The following THEMIS variants were observed in gnomAD, a reference collection of about 807,000 sequenced individuals.
THEMIS encodes thymocyte selection associated, also known as protein THEMIS.
THEMIS carries 37 observed loss-of-function variants against 52.6 expected under a neutral mutation model. The observed-to-expected ratio is 0.70, with a 90% CI of 0.54 to 0.93. The LOEUF is 0.93. Ranked by LOEUF, THEMIS falls within the 40% of genes least tolerant of loss-of-function variation. THEMIS has a pLI of 0.00. For missense variants in THEMIS, 808 were observed against 763.1 expected (o/e 1.06, Z -0.69); for synonymous variants, 292 against 272.7 (o/e 1.07, Z -0.70).
intron 2 of THEMIS, among the ~76,000 whole-genome samples, chr6:127,851,309 T>C (rs1404837667): frequency 1.3e-5 from 2 of 151,628 alleles, no homozygotes; most frequent in Non-Finnish European, 3.0e-5. Flanking sequence ...ACACTTCAAG[T>C]AGACTAAACT....
intron 2 of THEMIS, among the ~76,000 whole-genome samples, chr6:127,840,763 G>A (rs1216166889): frequency 6.6e-6 from 1 of 151,960 alleles, no homozygotes; most frequent in African/African-American, 2.4e-5. Context: ...ATATTACTCA[G>A]CACTAAAAAT....
chr6:127,825,018 T>C (rs1344754743), intron 3 of THEMIS, among the ~76,000 whole-genome samples: 2 of 152,052 alleles, frequency 1.3e-5, no homozygotes, highest in Non-Finnish European at 2.9e-5. Context: ...GTGTAAAATA[T>C]GTAAAATGAT....
chr6:127,815,830 T>C (rs1583309746), intron 3 of THEMIS, among the ~76,000 whole-genome samples: 1 of 152,150 alleles, frequency 6.6e-6, no homozygotes, highest in South Asian at 2.1e-4. Flanking sequence ...GTAGAATAGA[T>C]GCCATCAAGG....
At chr6:127,707,498 G>T (rs1041010553), downstream of THEMIS, among the ~76,000 whole-genome samples, 4 of 152,142 alleles carry the variant, frequency 2.6e-5, no homozygotes, top group African/African-American at 7.2e-5. Context: ...AGGAAGAATT[G>T]TTACAGGGTT....
At chr6:127,903,918 T>G (rs1562332034), upstream of THEMIS, among the ~76,000 whole-genome samples, 1 of 152,044 alleles carries the variant, frequency 6.6e-6, no homozygotes, top group Non-Finnish European at 1.5e-5. Context: ...AAAGCTGTTT[T>G]AAGAAACAAG....
chr6:127,806,283 G>A (rs1257697723), intron 4 of THEMIS, among the ~76,000 whole-genome samples: 4 of 151,932 alleles, frequency 2.6e-5, no homozygotes, highest in Admixed American at 2.0e-4. Context: ...CTAATCTATT[G>A]AGAAAATAAA....
chr6:127,902,755 C>A (rs1024910810), upstream of THEMIS, among the ~76,000 whole-genome samples: 3 of 151,938 alleles, frequency 2.0e-5, no homozygotes, highest in African/African-American at 4.8e-5. Context: ...CCTTCCATAC[C>A]CCTCCCCACA....
intron 4 of THEMIS, among the ~76,000 whole-genome samples, chr6:127,732,530 C>T (rs944791079): frequency 6.6e-6 from 1 of 152,198 alleles, no homozygotes; most frequent in Admixed American, 6.5e-5. Flanking sequence ...CCAGCAGCTC[C>T]TTCATGCCTC....
intron 4 of THEMIS, among the ~76,000 whole-genome samples, chr6:127,753,422 T>C (rs1295602657): frequency 1.3e-5 from 2 of 151,898 alleles, no homozygotes; most frequent in Admixed American, 6.6e-5. Context: ...GCATCAAAAA[T>C]AATAAAAATA....
chr6:127,734,731 G>A (rs963217738), intron 4 of THEMIS, among the ~76,000 whole-genome samples: 3 of 151,354 alleles, frequency 2.0e-5, no homozygotes, highest in African/African-American at 7.3e-5. Context: ...TTAGCCGGGT[G>A]TGGTGGCACG....
At chr6:127,860,845 G>A (rs1779776411) in intron 1 of THEMIS, among the ~76,000 whole-genome samples, 1 of 152,120 alleles carries the variant, frequency 6.6e-6, no homozygotes, top group East Asian at 1.9e-4. Context: ...AAACGTATTT[G>A]TTTAATGGTA....
Position 127,813,651 on chromosome 6 carries a change from T to G in THEMIS, c.990A>C (p.Arg330Ser). 6.2e-7 allele frequency: 1 copy of G among 1,614,106 alleles called. No individual in the cohort carries two copies. Among genetic ancestry groups the G allele is most frequent in the Non-Finnish European group, 8.5e-7 (1 of 1,179,986 alleles). ...ASEIRSNFPKRHFLIPTSYKG... is the reference protein window; with the variant it reads ...ASEIRSNFPKSHFLIPTSYKG... ...TATAGCTAGTGGGGATCAAGAAGTG[T>G]CTTTTAGGAAAATTGCTTCTAATTT... is the stretch of plus-strand genomic sequence containing the variant. The change falls in exon 4 of 6, where the codon AGA becomes AGC. Residue 330 changes from arginine to serine, a missense_variant. Physicochemically the swap from Arg to Ser is moderately radical, Grantham distance 110. Coordinates refer to ENST00000368248, the MANE Select transcript of THEMIS (RefSeq NM_001010923.3).
intron 4 of THEMIS, among the ~76,000 whole-genome samples, chr6:127,726,159 G>A (rs930615266): frequency 6.6e-6 from 1 of 152,106 alleles, no homozygotes; most frequent in Non-Finnish European, 1.5e-5. Flanking sequence ...TTAACAAGAG[G>A]GACAGAATCT....
chr6:127,829,687 A>T lies in THEMIS; in HGVS notation c.498T>A (p.Pro166=). The T allele has an allele frequency of 6.2e-7, 1 of 1,614,114 alleles. No individual in the cohort carries two copies. Among genetic ancestry groups the T allele is most frequent in the South Asian group, 1.1e-5 (1 of 91,084 alleles). Residue 166 remains proline, a synonymous_variant, in exon 3 of 6, where the codon CCT becomes CCA. Transcript: ENST00000368248. The part of the protein sequence containing the change: ...RNHQTHSFNL[P]LSQEGEFYEC... ...CGTAGAATTCTCCTTCTTGTGACAAAGGCAAATTAAATGAGTGAGTTTGAT... is the reference window on the plus strand; with the variant it reads ...CGTAGAATTCTCCTTCTTGTGACAATGGCAAATTAAATGAGTGAGTTTGAT...
chr6:127,790,028 G>T (rs544279068), intron 4 of THEMIS, among the ~76,000 whole-genome samples: 2 of 152,306 alleles, frequency 1.3e-5, no homozygotes, highest in East Asian at 3.9e-4. Flanking sequence ...TCTGGCCAGG[G>T]CAATCGAGCA....
chr6:127,717,183 T>G (rs1201360533), intron 5 of THEMIS, among the ~76,000 whole-genome samples: 1 of 145,684 alleles, frequency 6.9e-6, no homozygotes, highest in Admixed American at 6.8e-5. Context: ...TTTTACCTAT[T>G]TGATCTAATA....
chr6:127,915,386 G>A (rs1177090221), intron 1 of THEMIS, among the ~76,000 whole-genome samples: 1 of 152,080 alleles, frequency 6.6e-6, no homozygotes, highest in Non-Finnish European at 1.5e-5. Flanking sequence ...GCTTGGTATT[G>A]ACAGCTGAAA....
At chr6:127,831,077 T>A (rs1778686125) in intron 2 of THEMIS, among the ~76,000 whole-genome samples, 1 of 152,226 alleles carries the variant, frequency 6.6e-6, no homozygotes, top group Non-Finnish European at 1.5e-5. Flanking sequence ...ATATGTCAAT[T>A]GTTCTTCTCA....
intron 3 of THEMIS, among the ~76,000 whole-genome samples, chr6:127,819,085 A>T (rs1044812309): frequency 2.9e-4 from 37 of 128,782 alleles, no homozygotes; most frequent in Admixed American, 4.7e-4. Context: ...ATGCCACTGC[A>T]CTCCAGCCTG....
Sources: gnomAD v4.1 joint callset for allele counts (sites outside exome capture counted in the v4.1 genomes callset) on GRCh38, gnomAD v4.1.1 for gene constraint, MANE v1.5 for transcripts, NCBI Gene and HGNC (gene_info 2026-07-23, HGNC 2026-07-21) for gene names.